Variants in SRC observed in about 807,000 individuals in gnomAD.
SRC encodes the protein proto-oncogene tyrosine-protein kinase Src.
In SRC, 13 loss-of-function variants were observed where a neutral mutation model predicts 62.9. The observed-to-expected ratio is 0.21, with a 90% CI of 0.13 to 0.33. SRC has a LOEUF of 0.33. Ranked by LOEUF, SRC falls within the 10% of genes least tolerant of loss-of-function variation. SRC has a pLI of 1.00. For synonymous variants in SRC, 302 were observed against 317.5 expected (o/e 0.95, Z 0.52); for missense variants, 457 against 737.3 (o/e 0.62, Z 4.40).
Position 37,403,118 on chromosome 20 carries a change from C to T in SRC, c.1403-53C>T, listed in dbSNP as rs2147127842. The T allele has an allele frequency of 6.8e-7, 1 of 1,481,052 alleles. No homozygotes were observed. The highest frequency in any genetic ancestry group is 9.0e-7 in the Non-Finnish European group (1 of 1,112,526). 91.7% of individuals were successfully genotyped at this position (1,481,052 alleles called of 1,614,324 possible). A position where few individuals can be genotyped will look rare whatever the true frequency, so the allele number is the denominator to read the frequency against. ...CGCTGCCCTCCCCATCAGCTTCCCC[C>T]ACCCCACTTTCCTCACCGGAGCCGG... On this transcript the variant is annotated intron_variant, in intron 13 of 13. Transcript: ENST00000373578. This position sits in a 1 kb window ranked among gnomAD's most constrained non-coding sequence, Gnocchi z 7.1.
chr20:37,390,965 C>T (rs1057406357), intron 5 of SRC, among the ~76,000 whole-genome samples: 163 of 152,316 alleles, frequency 1.1e-3, no homozygotes, highest in African/African-American at 3.8e-3. Context: ...GAAATGAAAC[C>T]TCCAGACTAG....
chr20:37,389,143 C>T (rs1381961179), intron 5 of SRC, among the ~76,000 whole-genome samples: 1 of 152,094 alleles, frequency 6.6e-6, no homozygotes, highest in Non-Finnish European at 1.5e-5. Context: ...GCCACATGGC[C>T]CTGGGTCCTG....
intron 2 of SRC, among the ~76,000 whole-genome samples, chr20:37,369,769 G>A (rs2070131755): frequency 6.6e-6 from 1 of 151,492 alleles, no homozygotes; most frequent in Admixed American, 6.6e-5. Context: ...TAGCTCTGGG[G>A]TTTTCTTTTT....
intron 2 of SRC, among the ~76,000 whole-genome samples, chr20:37,373,436 CGCATATATACGCATATAT>C (rs1568628778): frequency 1.1e-5 from 1 of 94,996 alleles, no homozygotes; most frequent in Admixed American, 8.7e-5. Context: ...CGTGTATATA[CGCATATATACGCATATAT>C]GCATATATAC....
At chr20:37,362,012 T>C (rs2069981795) in intron 1 of SRC, among the ~76,000 whole-genome samples, 5 of 152,096 alleles carry the variant, frequency 3.3e-5, no homozygotes, top group Non-Finnish European at 2.9e-5. Context: ...GGGGTCTCTG[T>C]GTGCAGGCAG....
rs1188100507 is a variant in SRC, at chr20:37,346,197, C to T, written c.-305C>T. 2.0e-5 allele frequency: 3 copies of T among 151,588 alleles called. No individual in the cohort carries two copies. The highest frequency in any genetic ancestry group is 1.3e-4 in the Admixed American group (2 of 15,224). 9.4% of individuals were successfully genotyped at this position (151,588 alleles called of 1,614,324 possible). On this transcript the variant is annotated 5_prime_UTR_variant, in exon 1 of 14. Transcript: ENST00000373578. ...CCGTCTGCCCGTCCCGCTGGACGTC[C>T]CGCGGTCCGCCCTCCCGTGCGTCCG...
rs2070807381 is a variant in SRC, at chr20:37,405,116, A to G, written c.*1737A>G. 2 of 232,372 alleles carry G rather than the reference A, an allele frequency of 8.6e-6. No homozygotes were observed. The highest frequency in any genetic ancestry group is 1.8e-4 in the South Asian group (1 of 5,494). 14.4% of individuals were successfully genotyped at this position (232,372 alleles called of 1,614,324 possible). A position where few individuals can be genotyped will look rare whatever the true frequency, so the allele number is the denominator to read the frequency against. ...ACTTTTCCTTTCATACGTCTTTATT[A>G]CCCAAGTCTTCTCCCGTCCATTCCA... On this transcript the variant is annotated 3_prime_UTR_variant, in exon 14 of 14. Transcript: ENST00000373578.
chr20:37,377,228 G>T (rs984006966), intron 2 of SRC, among the ~76,000 whole-genome samples: 2 of 152,214 alleles, frequency 1.3e-5, no homozygotes, highest in African/African-American at 4.8e-5. Context: ...TGTTTGTCAT[G>T]CACTTATTCT....
At position 37,369,967 on chromosome 20, in the gene SRC, T is replaced by C. The variant is rs554248745; in HGVS notation, c.-173+4690T>C. Among the ~76,000 whole-genome samples, 29 of 152,148 alleles carry C rather than the reference T, an allele frequency of 1.9e-4. No homozygotes were observed. The East Asian group carries it at 5.4e-3, about 28-fold the overall frequency. On this transcript the variant is annotated intron_variant, in intron 2 of 13. Coordinates refer to ENST00000373578, the MANE Select transcript of SRC (RefSeq NM_198291.3). ...GGCATCTGCCACCACACCCAGCTAA[T>C]TTTTGTATTTTTAGTAGAGATGAGA... is the stretch of plus-strand genomic sequence containing the variant.
At position 37,405,452 on chromosome 20, in the gene SRC, G is replaced by A; in HGVS notation, c.*2073G>A. The A allele has an allele frequency of 5.2e-6, 1 of 191,458 alleles. No homozygotes were observed. Among genetic ancestry groups the A allele is most frequent in the Non-Finnish European group, 1.1e-5 (1 of 91,486 alleles). The allele number at this position is 191,458 out of a possible 1,614,324, so 11.9% of individuals were successfully genotyped here. A position where few individuals can be genotyped will look rare whatever the true frequency, so the allele number is the denominator to read the frequency against. ...ACAGTTTATTGAACATCTACTGTGT[G>A]CTGGAAAGCGAGATGGGGCGGAATG... On this transcript the variant is annotated 3_prime_UTR_variant, in exon 14 of 14. Coordinates refer to ENST00000373578, the MANE Select transcript of SRC (RefSeq NM_198291.3).
At chr20:37,401,575 G>C in intron 10 of SRC, 27 bp from the exon 11 acceptor site, 6 of 1,587,308 alleles carry the variant, frequency 3.8e-6, no homozygotes, top group Non-Finnish European at 5.2e-6. Context: ...CAGGGCAGGA[G>C]CTGGAGCTGG....
chr20:37,396,281 A>G lies in SRC; in HGVS notation c.673A>G (p.Ser225Gly), dbSNP rs1409798282. The G allele has an allele frequency of 6.2e-7, 1 of 1,613,754 alleles. No homozygotes were observed. Among genetic ancestry groups the G allele is most frequent in the East Asian group, 2.2e-5 (1 of 44,876 alleles). Residue 225 changes from serine (S) to glycine (G), a missense_variant, in exon 8 of 14, where the codon AGC (serine) becomes GGC (glycine). Physicochemically the swap from Ser to Gly is moderately conservative, Grantham distance 56. Transcript: ENST00000373578. The surrounding 1 kb of genome is among the most constrained non-coding windows in gnomAD (Gnocchi z 6.1). ...FYITSRTQFN[S>G]LQQLVAYYSK... ...CATCACCTCCCGCACCCAGTTCAAC[A>G]GCCTGCAGCAGCTGGTGGCCTACTA...
In SRC at chr20:37,386,174, C is replaced by T. The variant is rs762030353; in HGVS notation, c.350C>T (p.Thr117Ile). 3.7e-6 allele frequency: 6 copies of T among 1,613,922 alleles called. No homozygotes were observed. Among genetic ancestry groups the T allele is most frequent in the Admixed American group, 3.3e-5 (2 of 60,000 alleles). ...KGERLQIVNN[T>I]EGDWWLAHSL... ...GAGCGGCTCCAGATTGTCAACAACA[C>T]GTGAGTGCCCCCTTCCCTATTGCCC... The change falls in exon 5 of 14, where the codon ACA becomes ATA. Residue 117 changes from threonine to isoleucine, a missense_variant and splice_region_variant. Thr to Ile is a moderately conservative substitution (Grantham distance 89, BLOSUM62 -1). Coordinates refer to ENST00000373578, the MANE Select transcript of SRC (RefSeq NM_198291.3).
rs2070668801 is a variant in SRC, at chr20:37,397,361, T to A, written c.704-338T>A. 6.6e-6 allele frequency among the ~76,000 whole-genome samples: 1 copy of A among 152,218 alleles called. No individual in the cohort carries two copies. Among genetic ancestry groups the A allele is most frequent in the African/African-American group, 2.4e-5 (1 of 41,464 alleles). ...AGCTCTCCAGTCACATTCACATCTG[T>A]GGTCCTGGGAGGTGATTAGGGAAGT... On this transcript the variant is annotated intron_variant, in intron 8 of 13. Transcript: ENST00000373578. This position sits in a 1 kb window ranked among gnomAD's most constrained non-coding sequence, Gnocchi z 4.1.
chr20:37,401,779 C>A, intron 11 of SRC, 101 bp downstream of exon 11: 2 of 800,660 alleles, frequency 2.5e-6, no homozygotes, highest in Non-Finnish European at 1.9e-6. Flanking sequence ...CTCCAAGAAG[C>A]CTGCCTTGAT....
At chr20:37,390,620 G>C (rs1048608984) in intron 5 of SRC, among the ~76,000 whole-genome samples, 11 of 152,078 alleles carry the variant, frequency 7.2e-5, no homozygotes, top group African/African-American at 2.2e-4. Flanking sequence ...TGCTGGGCTG[G>C]TCTCGAACTC....
chr20:37,399,239 T>C (rs927759077), intron 9 of SRC, among the ~76,000 whole-genome samples: 2 of 152,138 alleles, frequency 1.3e-5, no homozygotes, highest in African/African-American at 4.8e-5. Context: ...CCATGGTCTC[T>C]CCGCTGGCAG....
At position 37,403,352 on chromosome 20, in the gene SRC, C is replaced by T. The variant is rs2070772851; in HGVS notation, c.1584C>T (p.Pro528=). The part of the protein sequence containing the change: ...FLEDYFTSTE[P]QYQPGENL ...AGGACTACTTCACGTCCACCGAGCC[C>T]CAGTACCAGCCCGGGGAGAACCTCT... The change falls in exon 14 of 14, where the codon CCC becomes CCT. Residue 528 remains proline, a synonymous_variant. Coordinates refer to ENST00000373578, the MANE Select transcript of SRC (RefSeq NM_198291.3). The surrounding 1 kb of genome is among the most constrained non-coding windows in gnomAD (Gnocchi z 7.1). 6.2e-7 allele frequency: 1 copy of T among 1,605,816 alleles called. No homozygotes were observed. Among genetic ancestry groups the T allele is most frequent in the Non-Finnish European group, 8.5e-7 (1 of 1,177,202 alleles).
At chr20:37,386,032 G>A (rs1353949648) in intron 4 of SRC, 43 bp from the exon 5 acceptor site, 2 of 1,526,436 alleles carry the variant, frequency 1.3e-6, no homozygotes, top group Non-Finnish European at 1.8e-6. Flanking sequence ...GCCTTCCCTG[G>A]CTGTGGCCCC....
Sources: allele counts gnomAD v4.1 joint callset (sites outside exome capture counted in the v4.1 genomes callset), GRCh38; gene constraint gnomAD v4.1.1; non-coding constraint Gnocchi (gnomAD v3.1); transcripts MANE v1.5; gene names NCBI Gene and HGNC (gene_info 2026-07-23, HGNC 2026-07-21).